DRC8: variants seen among roughly 807,000 people sequenced by gnomAD.
DRC8 encodes the protein dynein regulatory complex protein 8.
At chr1:245,056,765 A>C in the DRC8 span, among the ~76,000 whole-genome samples, 1 of 151,950 alleles carries the variant, frequency 6.6e-6, no homozygotes, top group Non-Finnish European at 1.5e-5. Context: ...GTGAGACCCC[A>C]TCTCTACTAA....
chr1:245,119,774 A>G, the DRC8 span, among the ~76,000 whole-genome samples: 22 of 152,080 alleles, frequency 1.4e-4, no homozygotes, highest in African/African-American at 4.6e-4. Flanking sequence ...TCTACTAAAA[A>G]TAGAACGAAT....
At chr1:244,970,657 C>CCCGGCCCGCCG in the DRC8 span, 1 of 60,442 alleles carries the variant, frequency 1.7e-5, no homozygotes, top group African/African-American at 5.2e-5. Flanking sequence ...CCCCGCCCCG[C>CCCGGCCCGCCG]CTCTCTCCCC....
At chr1:245,117,910 G>A in the DRC8 span, among the ~76,000 whole-genome samples, 1 of 152,088 alleles carries the variant, frequency 6.6e-6, no homozygotes, top group Non-Finnish European at 1.5e-5. Flanking sequence ...GGAGGTTGCA[G>A]TGAGCCAAGA....
At chr1:245,089,569 A>G in the DRC8 span, among the ~76,000 whole-genome samples, 5 of 152,014 alleles carry the variant, frequency 3.3e-5, no homozygotes, top group African/African-American at 1.2e-4. The surrounding 1 kb of genome is among the most constrained non-coding windows in gnomAD (Gnocchi z 4.8). Context: ...AGGGAAGTTA[A>G]AGACGGAAAA....
the DRC8 span, chr1:244,970,841 G>C: frequency 6.7e-6 from 2 of 298,728 alleles, no homozygotes; most frequent in Non-Finnish European, 1.2e-5. Flanking sequence ...GGAGGCGCCG[G>C]CAGGGGGTGC....
chr1:244,971,733 T>G, the DRC8 span, among the ~76,000 whole-genome samples: 3 of 152,154 alleles, frequency 2.0e-5, no homozygotes, highest in African/African-American at 7.2e-5. Flanking sequence ...CCTGAGATAT[T>G]TAGTCACTTG....
chr1:245,025,616 T>C, the DRC8 span, among the ~76,000 whole-genome samples: 1 of 152,216 alleles, frequency 6.6e-6, no homozygotes, highest in East Asian at 1.9e-4. Flanking sequence ...ATCTGTCCTG[T>C]TCCTATGCTT....
chr1:245,060,805 T>C, the DRC8 span, among the ~76,000 whole-genome samples: 3 of 152,264 alleles, frequency 2.0e-5, no homozygotes, highest in Non-Finnish European at 4.4e-5. Context: ...AGTCCCTTTA[T>C]GGTTTGTTTG....
the DRC8 span, among the ~76,000 whole-genome samples, chr1:245,012,553 C>T: frequency 7.5e-3 from 1,124 of 150,732 alleles, 9 homozygotes; most frequent in Middle Eastern, 0.014. Context: ...ATTTTTACCT[C>T]AAACACTTGA....
chr1:245,101,970 C>T, the DRC8 span, among the ~76,000 whole-genome samples: 1 of 152,108 alleles, frequency 6.6e-6, no homozygotes, highest in Admixed American at 6.6e-5. Flanking sequence ...TCTTTTGTGA[C>T]ACGAGATCAG....
At chr1:245,058,057 A>G in the DRC8 span, among the ~76,000 whole-genome samples, 1 of 152,060 alleles carries the variant, frequency 6.6e-6, no homozygotes, top group Non-Finnish European at 1.5e-5. Flanking sequence ...CCCTCCTTCA[A>G]AACTCTTGCC....
the DRC8 span, chr1:245,125,193 G>T: frequency 6.6e-6 from 1 of 152,190 alleles, no homozygotes. Flanking sequence ...GAGCATCCAT[G>T]ATATTCGCCC....
chr1:245,030,359 G>A, the DRC8 span, among the ~76,000 whole-genome samples: 3 of 152,216 alleles, frequency 2.0e-5, no homozygotes, highest in Admixed American at 2.0e-4. Context: ...TTGGAAATAA[G>A]TATAAGTGAT....
At chr1:245,061,373 A>G in the DRC8 span, among the ~76,000 whole-genome samples, 1 of 152,196 alleles carries the variant, frequency 6.6e-6, no homozygotes, top group Non-Finnish European at 1.5e-5. Flanking sequence ...CTTAGGTCCT[A>G]AAGTTTTATT....
chr1:245,081,408 A>G, the DRC8 span, among the ~76,000 whole-genome samples: 1 of 151,704 alleles, frequency 6.6e-6, no homozygotes, highest in Non-Finnish European at 1.5e-5. Flanking sequence ...TGATCCACCC[A>G]CCTCGGCCTC....
chr1:245,075,005 C>G, the DRC8 span, among the ~76,000 whole-genome samples: 2 of 152,268 alleles, frequency 1.3e-5, no homozygotes, highest in East Asian at 3.9e-4. Context: ...AATGCAGATG[C>G]TTTATAAACC....
chr1:244,970,502 A>G, the DRC8 span: 1 of 1,511,262 alleles, frequency 6.6e-7, no homozygotes, highest in Non-Finnish European at 8.8e-7. Flanking sequence ...CCCGGGCTGC[A>G]CGGGGAAGCG....
the DRC8 span, among the ~76,000 whole-genome samples, chr1:245,104,514 AAAAAG>A: frequency 4.6e-5 from 7 of 151,910 alleles, no homozygotes; most frequent in Non-Finnish European, 7.4e-5. Flanking sequence ...AAAAAAAAAA[AAAAAG>A]AAAAGAAAAA....
the DRC8 span, among the ~76,000 whole-genome samples, chr1:245,110,121 G>A: frequency 6.6e-6 from 1 of 152,162 alleles, no homozygotes; most frequent in South Asian, 2.1e-4. Context: ...AGTGGCTCAC[G>A]CTTGTAATCC....
Sources: gnomAD v4.1 joint callset for allele counts (sites outside exome capture counted in the v4.1 genomes callset) on GRCh38, gnomAD v4.1.1 for gene constraint, Gnocchi (gnomAD v3.1) non-coding constraint, MANE v1.5 for transcripts, NCBI Gene and HGNC (gene_info 2026-07-23, HGNC 2026-07-21) for gene names.